TTN: variants seen among roughly 807,000 people sequenced by gnomAD.
The protein encoded by TTN is connectin.
TTN carries 1,525 observed loss-of-function variants against 3,223.0 expected under a neutral mutation model. The observed-to-expected ratio is 0.47, with a 90% CI of 0.45 to 0.49. TTN has a LOEUF of 0.49. TTN is among the 20% of genes least tolerant of loss of function. The pLI is 0.00. For synonymous variants in TTN, 14,094 were observed against 15,161.0 expected, an observed-to-expected ratio of 0.93 and a Z score of 5.17; for missense variants, 40,786 against 43,424.0, an observed-to-expected ratio of 0.94 and a Z score of 5.40.
In TTN at chr2:178,617,770, T is replaced by A. The variant is rs776353875; in HGVS notation, c.47572+9A>T. On this transcript the variant is annotated intron_variant, in intron 253 of 362. Transcript: ENST00000589042. ...TGCAGTAATTATTTCCCTTTTTTGA[T>A]GGGCTTACCAATTGGATCAGCAACT... 7 of 1,611,330 alleles carry A rather than the reference T, an allele frequency of 4.3e-6. No individual in the cohort carries two copies. Among genetic ancestry groups the A allele is most frequent in the Non-Finnish European group, 5.1e-6 (6 of 1,178,696 alleles).
rs1296908123 is a variant in TTN, at chr2:178,534,543, A to C, written c.102072T>G (p.Ile34024Met). The C allele has an allele frequency of 6.2e-7, 1 of 1,613,866 alleles. No individual in the cohort carries two copies. The highest frequency in any genetic ancestry group is 1.1e-5 in the South Asian group (1 of 91,080). Residue 34024 changes from isoleucine to methionine, a missense_variant, in exon 358 of 363, where the codon ATT becomes ATG. Coordinates refer to ENST00000589042, the MANE Select transcript of TTN (RefSeq NM_001267550.2). Reference protein sequence around the residue: ...PFLAETNQQIIENIMNAEYTF... With the variant: ...PFLAETNQQIMENIMNAEYTF... ...TATATTCAGCATTCATGATATTCTC[A>C]ATGATCTGTTGGTTAGTTTCAGCCA...
chr2:178,767,368 C>T (rs1223579327), intron 40 of TTN, among the ~76,000 whole-genome samples: 2 of 152,236 alleles, frequency 1.3e-5, no homozygotes, highest in African/African-American at 2.4e-5. Context: ...AGTTCCTTGA[C>T]ACTTGCCTCT....
At position 178,545,537 on chromosome 2, in the gene TTN, T is replaced by C. The variant is rs771395028; in HGVS notation, c.95573A>G (p.Asn31858Ser). The C allele has an allele frequency of 1.9e-5, 30 of 1,613,664 alleles. No individual in the cohort carries two copies. Among genetic ancestry groups the C allele is most frequent in the Admixed American group, 1.0e-4 (6 of 59,994 alleles). ...GGTATCATACACCACATAGTCTTTG[T>C]TGACACGTGTCCAGCGCAGGCTCTT... ...EKKSLRWTRVNKDYVVYDTRL... is the reference protein window; with the variant it reads ...EKKSLRWTRVSKDYVVYDTRL... Residue 31858 changes from asparagine to serine, a missense_variant, in exon 344 of 363, where the codon AAC (asparagine) becomes AGC (serine). Transcript: ENST00000589042.
chr2:178,632,421 GAA>G lies in TTN; in HGVS notation c.43481-10_43481-9del, dbSNP rs730880350. The G allele has an allele frequency of 6.4e-7, 1 of 1,567,782 alleles. No homozygotes were observed. On this transcript the variant is annotated splice_polypyrimidine_tract_variant and intron_variant, in intron 235 of 362. Transcript: ENST00000589042. ...GGAATTTGAGCCGGATTCCTATCAA[GAA>G]AAAAAAGAAAGAACTTATTAATTGA... is the stretch of plus-strand genomic sequence containing the variant.
rs1431836436 is a variant in TTN, at chr2:178,689,861, T to C, written c.31798A>G (p.Lys10600Glu). The change falls in exon 122 of 363, where the codon AAG (lysine) becomes GAG (glutamate). Residue 10600 changes from lysine (K) to glutamate (E), a missense_variant. Lys to Glu is a moderately conservative substitution (Grantham distance 56, BLOSUM62 1). Transcript: ENST00000589042. ...TTCTTTGCAACAGGAACGGGAATCTTTTCTTCAGGGACAGGTTTCTTTGGC... is the reference window on the plus strand; with the variant it reads ...TTCTTTGCAACAGGAACGGGAATCTCTTCTTCAGGGACAGGTTTCTTTGGC... ...EVPKKPVPEE[K>E]IPVPVAKKKE... 3 of 1,613,326 alleles carry C rather than the reference T, an allele frequency of 1.9e-6. No individual in the cohort carries two copies. Among genetic ancestry groups the C allele is most frequent in the Non-Finnish European group, 2.5e-6 (3 of 1,179,614 alleles).
chr2:178,649,482 A>T, intron 212 of TTN, 72 bp downstream of exon 212: 1 of 1,468,096 alleles, frequency 6.8e-7, no homozygotes, highest in Non-Finnish European at 9.2e-7. Flanking sequence ...AACAATGAGG[A>T]CAACTTATTG....
Position 178,569,097 on chromosome 2 carries a change from T to G in TTN, c.77035A>C (p.Asn25679His), listed in dbSNP as rs770512378. ...CSYYFRVTAE[N>H]EYGIGLPAQT... ...GCAGGAAGGCCAATACCATACTCAT[T>G]CTCAGCTGTGACTCTAAAGTAATAA... Residue 25679 changes from asparagine to histidine, a missense_variant, in exon 326 of 363, where the codon AAT becomes CAT. Asn to His is a moderately conservative substitution (Grantham distance 68, BLOSUM62 1). Coordinates refer to ENST00000589042, the MANE Select transcript of TTN (RefSeq NM_001267550.2). The G allele has an allele frequency of 1.7e-5, 28 of 1,613,326 alleles. No individual in the cohort carries two copies. In the Middle Eastern group the frequency reaches 4.9e-4, roughly 28 times the overall value.
chr2:178,644,308 A>G (rs529793841), intron 218 of TTN: 1 of 356,190 alleles, frequency 2.8e-6, no homozygotes, highest in Non-Finnish European at 5.0e-6. Flanking sequence ...GGAAAATGCA[A>G]GAAGACATAT....
chr2:178,790,671 T>G (rs2093438078), intron 11 of TTN, 37 bp downstream of exon 11: 1 of 1,613,810 alleles, frequency 6.2e-7, no homozygotes, highest in African/African-American at 1.3e-5. Flanking sequence ...AATGAAATGG[T>G]GCAAGAGTGA....
intron 350 of TTN, 139 bp downstream of exon 350, chr2:178,541,142 AT>A (rs1378800257): frequency 9.3e-6 from 8 of 858,468 alleles, no homozygotes; most frequent in Non-Finnish European, 1.3e-5. Flanking sequence ...GGTAATAAAA[AT>A]ATTCCACATT....
At chr2:178,759,639 T>A (rs780700488) in intron 43 of TTN, among the ~76,000 whole-genome samples, 5 of 152,014 alleles carry the variant, frequency 3.3e-5, no homozygotes, top group Non-Finnish European at 2.9e-5. Flanking sequence ...GCTGAGAAGA[T>A]CAAGATATGA....
Position 178,722,191 on chromosome 2 carries a change from C to T in TTN, c.22529-57G>A, listed in dbSNP as rs940295260. 43 of 1,527,780 alleles carry T rather than the reference C, an allele frequency of 2.8e-5. No homozygotes were observed. In the Admixed American group the frequency reaches 7.8e-4, roughly 28 times the overall value. The allele number at this position is 1,527,780 out of a possible 1,614,324, so 94.6% of individuals were successfully genotyped here. A position where few individuals can be genotyped will look rare whatever the true frequency, so the allele number is the denominator to read the frequency against. ...TTTTGTTTGTTTTTTTGCCATTGGTCGTTTCTACTTTGACAATGAAATATG... is the reference window on the plus strand; with the variant it reads ...TTTTGTTTGTTTTTTTGCCATTGGTTGTTTCTACTTTGACAATGAAATATG... On this transcript the variant is annotated intron_variant, in intron 77 of 362. Transcript: ENST00000589042.
chr2:178,584,379 A>T lies in TTN; in HGVS notation c.65172T>A (p.Leu21724=). 6.2e-7 allele frequency: 1 copy of T among 1,613,284 alleles called. No individual in the cohort carries two copies. The change falls in exon 311 of 363, where the codon CTT becomes CTA. Residue 21724 remains leucine, a synonymous_variant. Coordinates refer to ENST00000589042, the MANE Select transcript of TTN (RefSeq NM_001267550.2). ...TGAATGAATACTCAAGACCTTCTAC[A>T]AGGCCAGCACAAGGATATTCAGTTG... The part of the protein sequence containing the change: ...VRSTEYPCAG[L]VEGLEYSFRI...
Position 178,640,061 on chromosome 2 carries a change from T to G in TTN, c.40773A>C (p.Pro13591=). ...AAGCTTGCTCACCTGCTTCGGGCTT[T>G]GGTTTCGGTTCAGGTGCAGGGAGAG... The part of the protein sequence containing the change: ...AIPLPAPEPK[P]KPEAEVKTIK... The change falls in exon 222 of 363, where the codon CCA becomes CCC. Residue 13591 remains proline (P), a synonymous_variant. Coordinates refer to ENST00000589042, the MANE Select transcript of TTN (RefSeq NM_001267550.2). The G allele has an allele frequency of 1.2e-6, 2 of 1,612,262 alleles. No homozygotes were observed. The highest frequency in any genetic ancestry group is 1.7e-6 in the Non-Finnish European group (2 of 1,178,786).
chr2:178,595,301 AAG>A (rs1007530140), intron 295 of TTN, among the ~76,000 whole-genome samples: 8 of 151,996 alleles, frequency 5.3e-5, no homozygotes, highest in Non-Finnish European at 1.5e-5. Flanking sequence ...AAAAAACAAA[AAG>A]AAATTCAATG....
intron 50 of TTN, among the ~76,000 whole-genome samples, chr2:178,735,190 T>C (rs1482240766): frequency 6.6e-6 from 1 of 152,114 alleles, no homozygotes; most frequent in Non-Finnish European, 1.5e-5. Flanking sequence ...AAAACAACAA[T>C]AAACAGACTA....
At position 178,608,272 on chromosome 2, in the gene TTN, T is replaced by C; in HGVS notation, c.52611A>G (p.Gly17537=). ...CACATACTCTGAAGACATAGGTGAG[T>C]CCTTCTAATAAGCCATCTACATTGG... ...LKANVDGLLE[G]LTYVFRVCAE... is the part of the protein sequence containing the mutation. The change falls in exon 275 of 363, where the codon GGA becomes GGG. Residue 17537 remains glycine, a synonymous_variant. Coordinates refer to ENST00000589042, the MANE Select transcript of TTN (RefSeq NM_001267550.2). 1 of 1,611,772 alleles carries C rather than the reference T, an allele frequency of 6.2e-7. No homozygotes were observed. The highest frequency in any genetic ancestry group is 8.5e-7 in the Non-Finnish European group (1 of 1,178,906).
In TTN at chr2:178,697,158, C is replaced by G; in HGVS notation, c.30765G>C (p.Lys10255Asn). The G allele has an allele frequency of 6.5e-7, 1 of 1,543,384 alleles. No homozygotes were observed. Among genetic ancestry groups the G allele is most frequent in the Non-Finnish European group, 8.7e-7 (1 of 1,145,290 alleles). The change falls in exon 113 of 363, where the codon AAG becomes AAC. Residue 10255 changes from lysine (K) to asparagine (N), a missense_variant. By Grantham distance (94) the Lys-to-Asn change is moderately conservative. Coordinates refer to ENST00000589042, the MANE Select transcript of TTN (RefSeq NM_001267550.2). ...KEMTPREEIV[K>N]KPPPPTTLIP... ...TTAAGGTAGTAGGAGGTGGAGGCTT[C>G]TTGACAATCTCTGGGAGTTTAAAAA...
intron 240 of TTN, 24 bp from the exon 241 acceptor site, chr2:178,625,420 A>T: frequency 6.5e-7 from 1 of 1,537,758 alleles, no homozygotes; most frequent in Non-Finnish European, 8.7e-7. Context: ...AAAAAAGAAT[A>T]CATGAAACAG....
Sources: allele counts gnomAD v4.1 joint callset (sites outside exome capture counted in the v4.1 genomes callset), GRCh38; gene constraint gnomAD v4.1.1; transcripts MANE v1.5; gene names NCBI Gene and HGNC (gene_info 2026-07-23, HGNC 2026-07-21).